Variants in PIGB observed in about 807,000 individuals in gnomAD.
PIGB encodes GPI alpha-1,2-mannosyltransferase 3.
In PIGB, 58 loss-of-function variants were observed where a neutral mutation model predicts 68.4. The observed-to-expected ratio is 0.85, with a 90% confidence interval of 0.69 to 1.06. The LOEUF (loss-of-function observed/expected upper bound fraction) is 1.06. Ranked by LOEUF, PIGB falls within the 50% of genes least tolerant of loss-of-function variation. The pLI is 0.00. For synonymous variants in PIGB, 219 were observed against 220.5 expected (o/e 0.99, Z 0.06); for missense variants, 634 against 655.8 (o/e 0.97, Z 0.36).
chr15:55,337,092 C>CA (rs2055554422), intron 6 of PIGB, among the ~76,000 whole-genome samples: 1 of 152,006 alleles, frequency 6.6e-6, no homozygotes, highest in East Asian at 1.9e-4. Flanking sequence ...TCAGGTACTT[C>CA]AAAAAATATT....
chr15:55,323,817 A>G (rs1214845508), intron 3 of PIGB, among the ~76,000 whole-genome samples: 1 of 152,138 alleles, frequency 6.6e-6, no homozygotes, highest in Admixed American at 6.5e-5. Context: ...TTGGCCTGTG[A>G]TGGCATGGAA....
At chr15:55,320,643 G>A (rs1484704370) in intron 2 of PIGB, among the ~76,000 whole-genome samples, 1 of 152,118 alleles carries the variant, frequency 6.6e-6, no homozygotes, top group Non-Finnish European at 1.5e-5. Flanking sequence ...GGTACAGTAA[G>A]AGATTAACAG....
chr15:55,324,305 G>A (rs866651274), intron 3 of PIGB, among the ~76,000 whole-genome samples: 1 of 152,154 alleles, frequency 6.6e-6, no homozygotes, highest in Admixed American at 6.6e-5. Context: ...CTCAAGTTAC[G>A]CCTGGCATGT....
chr15:55,321,746 G>A (rs72742282), intron 3 of PIGB, among the ~76,000 whole-genome samples: 20,648 of 142,714 alleles, frequency 0.14, 2,107 homozygotes, highest in East Asian at 0.56. Context: ...TCCACCTCCC[G>A]GGTTCAAGCG....
intron 9 of PIGB, chr15:55,350,042 G>GC (rs1309570457): frequency 6.6e-6 from 1 of 151,686 alleles, no homozygotes. Flanking sequence ...GTTTTGTTTT[G>GC]CCCCACAGAA....
intron 10 of PIGB, among the ~76,000 whole-genome samples, chr15:55,353,193 C>T (rs561463532): frequency 3.9e-5 from 6 of 152,180 alleles, no homozygotes; most frequent in Admixed American, 1.3e-4. Flanking sequence ...CTTTTCAAAG[C>T]ACACAAGAGA....
chr15:55,345,843 C>T (rs569701576), intron 9 of PIGB, among the ~76,000 whole-genome samples: 2 of 152,300 alleles, frequency 1.3e-5, no homozygotes, highest in African/African-American at 4.8e-5. Flanking sequence ...CTTTCCCAGC[C>T]CCATTCTACT....
intron 5 of PIGB, among the ~76,000 whole-genome samples, chr15:55,331,810 T>C (rs1439383358): frequency 6.6e-6 from 1 of 151,990 alleles, no homozygotes; most frequent in African/African-American, 2.4e-5. Flanking sequence ...TCTTAAAGCG[T>C]TGGGATTACA....
intron 6 of PIGB, among the ~76,000 whole-genome samples, chr15:55,337,965 C>T (rs1272280120): frequency 1.3e-5 from 2 of 152,118 alleles, no homozygotes; most frequent in Non-Finnish European, 2.9e-5. Context: ...AGATAAAACT[C>T]ATCTATGTTA....
At chr15:55,329,643 T>C in intron 4 of PIGB, 81 bp from the exon 5 acceptor site, 5 of 1,099,394 alleles carry the variant, frequency 4.5e-6, no homozygotes, top group Non-Finnish European at 5.2e-6. Flanking sequence ...ATATTTAGAC[T>C]TGCTTGCTAT....
chr15:55,354,563 A>G (rs1329705278), intron 10 of PIGB: 1 of 427,568 alleles, frequency 2.3e-6, no homozygotes, highest in Non-Finnish European at 4.1e-6. Flanking sequence ...ATGGACTTCT[A>G]TGCACTAGTT....
intron 3 of PIGB, among the ~76,000 whole-genome samples, chr15:55,326,094 G>T (rs897720828): frequency 5.9e-5 from 9 of 151,988 alleles, no homozygotes; most frequent in African/African-American, 1.9e-4. Context: ...CTACTCAGGA[G>T]GCTGAGGCAG....
chr15:55,325,698 C>T (rs1306189452), intron 3 of PIGB, among the ~76,000 whole-genome samples: 1 of 152,134 alleles, frequency 6.6e-6, no homozygotes, highest in Non-Finnish European at 1.5e-5. Context: ...GGGCAGATCA[C>T]AAGGTCACGA....
chr15:55,354,218 G>A (rs2141228289), intron 10 of PIGB, among the ~76,000 whole-genome samples: 1 of 151,972 alleles, frequency 6.6e-6, no homozygotes, highest in South Asian at 2.1e-4. Context: ...GGGAGGCTGA[G>A]ACAGGAGAAT....
rs2055322061 is a variant in PIGB at position 55,327,600 on chromosome 15, A to C, written c.487A>C (p.Lys163Gln). The part of the protein sequence containing the change: ...VADVRLYSLM[K>Q]QLENQEVARW... ...AGATGTGAGACTTTACTCATTAATG[A>C]AGCAACTAGAAAATCAGGAAGTGGC... Residue 163 changes from lysine to glutamine, a missense_variant, in exon 4 of 12, where the codon AAG becomes CAG. Transcript: ENST00000164305. 1.2e-6 allele frequency: 2 copies of C among 1,611,314 alleles called. No individual in the cohort carries two copies. The highest frequency in any genetic ancestry group is 2.7e-5 in the African/African-American group (2 of 74,962).
intron 3 of PIGB, among the ~76,000 whole-genome samples, chr15:55,325,632 G>A (rs150801018): frequency 6.6e-6 from 1 of 152,058 alleles, no homozygotes; most frequent in African/African-American, 2.4e-5. Flanking sequence ...AAAGTAATTT[G>A]TTAGCCAGGT....
At chr15:55,321,124 G>T (rs899175649) in intron 2 of PIGB, 149 bp from the exon 3 acceptor site, 3 of 453,304 alleles carry the variant, frequency 6.6e-6, no homozygotes, top group Non-Finnish European at 1.1e-5. Context: ...ATTTTGCCAG[G>T]TGAAGTGGTG....
chr15:55,334,028 T>G (rs1385501264), intron 6 of PIGB, 21 bp downstream of exon 6: 8 of 1,523,972 alleles, frequency 5.2e-6, no homozygotes, highest in Non-Finnish European at 6.2e-6. Flanking sequence ...CAATAATCCA[T>G]CCATTTATTT....
intron 9 of PIGB, chr15:55,349,990 A>G (rs762083444): frequency 2.0e-5 from 3 of 152,100 alleles, no homozygotes; most frequent in Non-Finnish European, 4.4e-5. Flanking sequence ...ATCCTTTTAT[A>G]CCCGTCTATT....
Sources: gnomAD v4.1 joint callset for allele counts (sites outside exome capture counted in the v4.1 genomes callset) on GRCh38, gnomAD v4.1.1 for gene constraint, MANE v1.5 for transcripts, NCBI Gene and HGNC (gene_info 2026-07-23, HGNC 2026-07-21) for gene names.